The following ELP3 variants were observed in gnomAD, a reference collection of about 807,000 sequenced individuals.
The protein encoded by ELP3 is elongator complex protein 3.
In ELP3, 56 loss-of-function variants were observed where a neutral mutation model predicts 74.9. The ratio of observed to expected loss-of-function variants is 0.75; its 90% CI spans 0.60 to 0.93. The LOEUF is 0.93. Among genes scored for constraint, ELP3 ranks in the 40% least tolerant of loss-of-function variants. The pLI is 0.00. For synonymous variants in ELP3, 222 were observed against 239.8 expected, an observed-to-expected ratio of 0.93 and a Z score of 0.68; for missense variants, 573 against 686.5, an observed-to-expected ratio of 0.83 and a Z score of 1.85.
At chr8:28,094,712 AG>A (rs1811185736) in intron 1 of ELP3, among the ~76,000 whole-genome samples, 2 of 152,208 alleles carry the variant, frequency 1.3e-5, no homozygotes, top group Non-Finnish European at 1.5e-5. Flanking sequence ...ACTGCACTCC[AG>A]CCTGGGTGAC....
intron 3 of ELP3, among the ~76,000 whole-genome samples, chr8:28,101,187 G>C (rs1811466618): frequency 6.6e-6 from 1 of 151,910 alleles, no homozygotes; most frequent in Admixed American, 6.6e-5. Context: ...GGAGGCCGAG[G>C]TGGGCCGATC....
chr8:28,184,387 C>T (rs535325035), intron 14 of ELP3, among the ~76,000 whole-genome samples: 1 of 152,174 alleles, frequency 6.6e-6, no homozygotes, highest in East Asian at 1.9e-4. Flanking sequence ...TCCAAAAGGC[C>T]CATCGTGAGG....
chr8:28,093,138 T>C (rs1249549360), upstream of ELP3: 8 of 1,587,872 alleles, frequency 5.0e-6, no homozygotes, highest in East Asian at 9.1e-5. Context: ...GATTGTTTTG[T>C]GGCTGTCAGC....
intron 7 of ELP3, chr8:28,129,264 A>G (rs1812700240): frequency 4.1e-6 from 2 of 486,326 alleles, no homozygotes; most frequent in African/African-American, 3.8e-5. Context: ...TATGAGGTGT[A>G]GATAGTGTAT....
chr8:28,138,083 A>G (rs1240421381), intron 10 of ELP3, among the ~76,000 whole-genome samples, 192 bp downstream of exon 10: 1 of 152,166 alleles, frequency 6.6e-6, no homozygotes, highest in African/African-American at 2.4e-5. Context: ...TAACGTATTT[A>G]TTTATCTACC....
Position 28,158,543 on chromosome 8 carries a change from C to G in ELP3, c.1192-25C>G, listed in dbSNP as rs371536612. The G allele has an allele frequency of 3.4e-5, 55 of 1,595,362 alleles. 2 individuals carry two copies. Among genetic ancestry groups the G allele is most frequent in the East Asian group, 1.6e-4 (7 of 44,678 alleles). On this transcript the variant is annotated intron_variant, in intron 11 of 14. Transcript: ENST00000256398. ...TTGTACCCCTCCCACCCCCCAACCC[C>G]GCTCACGCCATTTTTTTTTGACAGT...
intron 14 of ELP3, among the ~76,000 whole-genome samples, chr8:28,178,686 T>C (rs1438358112): frequency 6.6e-6 from 1 of 152,180 alleles, no homozygotes; most frequent in Non-Finnish European, 1.5e-5. Context: ...AATTGCTGGG[T>C]TGTAGAGAGT....
chr8:28,188,734 C>T (rs769786162), intron 14 of ELP3, among the ~76,000 whole-genome samples: 2 of 152,096 alleles, frequency 1.3e-5, no homozygotes, highest in South Asian at 2.1e-4. Context: ...AACTGGTAAA[C>T]GTAAGTAAAT....
At chr8:28,132,432 C>T in intron 9 of ELP3, 28 bp downstream of exon 9, 1 of 1,613,648 alleles carries the variant, frequency 6.2e-7, no homozygotes, top group Non-Finnish European at 8.5e-7. Flanking sequence ...CAGGCGCATT[C>T]AGAATGGCTC....
intron 7 of ELP3, among the ~76,000 whole-genome samples, chr8:28,120,160 G>A (rs1434988775): frequency 1.3e-5 from 2 of 152,188 alleles, no homozygotes; most frequent in Non-Finnish European, 2.9e-5. Context: ...GAAACCGCCA[G>A]TCATTTTCCC....
At chr8:28,158,532 C>T (rs763163911) in intron 11 of ELP3, 36 bp from the exon 12 acceptor site, 58 of 1,423,624 alleles carry the variant, frequency 4.1e-5, no homozygotes, top group Non-Finnish European at 5.3e-5. Flanking sequence ...ACCCCTCCCA[C>T]CCCCCAACCC....
intron 5 of ELP3, 107 bp from the exon 6 acceptor site, chr8:28,110,263 G>A (rs1563251638): frequency 6.2e-6 from 6 of 970,758 alleles, no homozygotes; most frequent in Middle Eastern, 2.1e-4. Flanking sequence ...TACAAGCCAC[G>A]TTTTCAGTGT....
At chr8:28,104,148 A>G (rs1260705479) in intron 3 of ELP3, among the ~76,000 whole-genome samples, 1 of 152,196 alleles carries the variant, frequency 6.6e-6, no homozygotes. Flanking sequence ...GCCACTGTAT[A>G]TCTTCTTTAT....
chr8:28,142,290 TG>T (rs1450914690), intron 10 of ELP3, among the ~76,000 whole-genome samples: 2 of 152,352 alleles, frequency 1.3e-5, no homozygotes, highest in African/African-American at 4.8e-5. Context: ...GAAACCTGGC[TG>T]TTCTCAGTTC....
intron 1 of ELP3, 143 bp downstream of exon 1, chr8:28,093,376 C>G (rs1811121999): frequency 3.5e-6 from 4 of 1,146,034 alleles, no homozygotes; most frequent in Admixed American, 2.6e-5. Context: ...TGTGTCCATT[C>G]TGGTCCCCGA....
chr8:28,171,867 T>A (rs952649917), intron 14 of ELP3, among the ~76,000 whole-genome samples: 2 of 152,130 alleles, frequency 1.3e-5, no homozygotes, highest in African/African-American at 2.4e-5. Flanking sequence ...ATTTAATTAT[T>A]TTGCATGTGG....
rs1356660302 is a variant in ELP3, at chr8:28,189,714, A to T, written c.1633A>T (p.Met545Leu). Residue 545 changes from methionine to leucine, a missense_variant, in exon 15 of 15, where the codon ATG (methionine) becomes TTG (leucine). Transcript: ENST00000256398. ...YRLQGPYMVK[M>L]LK ...ATTACAAGGCCCGTACATGGTGAAG[A>T]TGCTGAAATAATGGCCACACCAGTC... The T allele has an allele frequency of 1.9e-6, 3 of 1,613,984 alleles. No homozygotes were observed. The highest frequency in any genetic ancestry group is 2.5e-6 in the Non-Finnish European group (3 of 1,179,944).
At chr8:28,134,398 G>T (rs929849150) in intron 9 of ELP3, among the ~76,000 whole-genome samples, 67 of 152,158 alleles carry the variant, frequency 4.4e-4, no homozygotes, top group Non-Finnish European at 4.4e-5. Context: ...TGTAGTCTTT[G>T]CAGGGAAACT....
chr8:28,106,290 C>G (rs925710858), intron 3 of ELP3, among the ~76,000 whole-genome samples: 12 of 152,130 alleles, frequency 7.9e-5, no homozygotes, highest in Non-Finnish European at 1.0e-4. Flanking sequence ...CCTGTAATCC[C>G]AGCACTTTGG....
Sources: gnomAD v4.1 joint callset for allele counts (sites outside exome capture counted in the v4.1 genomes callset) on GRCh38, gnomAD v4.1.1 for gene constraint, MANE v1.5 for transcripts, NCBI Gene and HGNC (gene_info 2026-07-23, HGNC 2026-07-21) for gene names.